The following SGF29 variants were observed in gnomAD, a reference collection of about 807,000 sequenced individuals.
The protein encoded by SGF29 is SAGA-associated factor 29.
A neutral mutation model predicts 38.1 loss-of-function variants in SGF29; 15 were observed. The observed-to-expected ratio is 0.39, with a 90% CI of 0.26 to 0.61. SGF29 has a LOEUF of 0.61. SGF29 is among the 20% of genes least tolerant of loss of function. The pLI is 0.49. For synonymous variants in SGF29, 151 were observed against 160.8 expected, an observed-to-expected ratio of 0.94 and a Z score of 0.46; for missense variants, 184 against 394.6, an observed-to-expected ratio of 0.47 and a Z score of 4.52.
At chr16:28,591,524 G>A (rs2046990961) in intron 9 of SGF29, 66 bp from the exon 10 acceptor site, 3 of 1,112,948 alleles carry the variant, frequency 2.7e-6, no homozygotes, top group Non-Finnish European at 4.1e-6. Context: ...TCTAGGCTGG[G>A]GGAAGGGGGT....
At chr16:28,577,773 G>C (rs1360997602) in intron 1 of SGF29, among the ~76,000 whole-genome samples, 37 of 152,174 alleles carry the variant, frequency 2.4e-4, no homozygotes, top group Admixed American at 2.4e-3. Flanking sequence ...CTTCTTTGGA[G>C]AACTGTCTAT....
intron 1 of SGF29, among the ~76,000 whole-genome samples, chr16:28,576,904 C>T (rs1225625087): frequency 6.6e-6 from 1 of 152,170 alleles, no homozygotes; most frequent in Non-Finnish European, 1.5e-5. Context: ...CCTGTAATCC[C>T]AGCACTTTGG....
intron 4 of SGF29, among the ~76,000 whole-genome samples, chr16:28,586,225 G>A (rs994170107): frequency 6.6e-6 from 1 of 152,164 alleles, no homozygotes; most frequent in African/African-American, 2.4e-5. Context: ...CTGAGATGGA[G>A]AAGTTTCACT....
At chr16:28,587,904 A>T (rs1182874385) in intron 4 of SGF29, among the ~76,000 whole-genome samples, 1 of 152,080 alleles carries the variant, frequency 6.6e-6, no homozygotes, top group Non-Finnish European at 1.5e-5. Context: ...GGTTCAAGCG[A>T]TTCTCTTGCC....
At chr16:28,571,647 C>G (rs929606081) in intron 1 of SGF29, among the ~76,000 whole-genome samples, 2 of 150,030 alleles carry the variant, frequency 1.3e-5, no homozygotes, top group Non-Finnish European at 3.0e-5. Context: ...GGCTGGGGAT[C>G]GATTTGGGAG....
chr16:28,585,287 C>A (rs533538702), intron 3 of SGF29: 1 of 509,918 alleles, frequency 2.0e-6, no homozygotes, highest in Admixed American at 3.4e-5. Flanking sequence ...TCCCAGGCGG[C>A]CCCTGCATCT....
At chr16:28,562,718 CA>C (rs1229550042) in intron 1 of SGF29, among the ~76,000 whole-genome samples, 3 of 151,756 alleles carry the variant, frequency 2.0e-5, no homozygotes, top group Non-Finnish European at 4.4e-5. Flanking sequence ...TCCTGGGCAA[CA>C]AGGCAAGACC....
At chr16:28,557,979 T>G (rs1212368953) in intron 1 of SGF29, among the ~76,000 whole-genome samples, 127 of 146,450 alleles carry the variant, frequency 8.7e-4, no homozygotes, top group Admixed American at 5.5e-3. Flanking sequence ...TTTTTTTTTT[T>G]TTTTTTTTTT....
At chr16:28,556,270 A>G (rs2046750501) in intron 1 of SGF29, among the ~76,000 whole-genome samples, 1 of 152,124 alleles carries the variant, frequency 6.6e-6, no homozygotes, top group Non-Finnish European at 1.5e-5. Flanking sequence ...CCCGGGTTCA[A>G]GTGATTCTCC....
intron 1 of SGF29, among the ~76,000 whole-genome samples, chr16:28,564,666 C>CATATGTGT (rs2046818284): frequency 1.6e-5 from 1 of 61,590 alleles, no homozygotes; most frequent in Non-Finnish European, 3.6e-5. Context: ...TATATATATG[C>CATATGTGT]ATATATATGT....
chr16:28,588,734 C>T, intron 4 of SGF29: 1 of 362,364 alleles, frequency 2.8e-6, no homozygotes, highest in Non-Finnish European at 5.4e-6. Flanking sequence ...CCACACCTGG[C>T]TAAGTTTTGT....
At chr16:28,569,089 AAAAT>A (rs1177952351) in intron 1 of SGF29, among the ~76,000 whole-genome samples, 1 of 152,118 alleles carries the variant, frequency 6.6e-6, no homozygotes, top group Non-Finnish European at 1.5e-5. Context: ...ACTCTGTCTC[AAAAT>A]AAATAAATAA....
intron 1 of SGF29, among the ~76,000 whole-genome samples, chr16:28,576,195 T>C (rs896464686): frequency 6.6e-6 from 1 of 152,072 alleles, no homozygotes; most frequent in Non-Finnish European, 1.5e-5. Context: ...CTCATAGATA[T>C]GTACCCAGAA....
At position 28,590,754 on chromosome 16, in the gene SGF29, T is replaced by G. The variant is rs767355452; in HGVS notation, c.603-19T>G. On this transcript the variant is annotated intron_variant, in intron 8 of 9. Coordinates refer to ENST00000317058, the MANE Select transcript of SGF29 (RefSeq NM_138414.3). This position sits in a 1 kb window ranked among gnomAD's most constrained non-coding sequence, Gnocchi z 8.2. ...ATCCCCACCCGGCCACAGGTTGATATAAGCCCCTCTTCCCCCAGGAGACAC... is the reference window on the plus strand; with the variant it reads ...ATCCCCACCCGGCCACAGGTTGATAGAAGCCCCTCTTCCCCCAGGAGACAC... 1 of 1,613,990 alleles carries G rather than the reference T, an allele frequency of 6.2e-7. No individual in the cohort carries two copies. Among genetic ancestry groups the G allele is most frequent in the East Asian group, 2.2e-5 (1 of 44,856 alleles).
chr16:28,564,695 AT>A (rs2046819992), intron 1 of SGF29, among the ~76,000 whole-genome samples: 1 of 52,000 alleles, frequency 1.9e-5, no homozygotes, highest in Non-Finnish European at 4.6e-5. Context: ...GTGTATATAT[AT>A]GTATATATAT....
At chr16:28,564,796 CACACACACACAA>C (rs2046826794) in intron 1 of SGF29, among the ~76,000 whole-genome samples, 1 of 132,314 alleles carries the variant, frequency 7.6e-6, no homozygotes, top group Non-Finnish European at 1.6e-5. Flanking sequence ...TACACACACA[CACACACACACAA>C]ACACACACAC....
intron 4 of SGF29, 42 bp downstream of exon 4, chr16:28,585,762 C>T (rs1596607480): frequency 1.9e-6 from 3 of 1,576,010 alleles, no homozygotes; most frequent in East Asian, 4.5e-5. Flanking sequence ...CCCTCCTTTC[C>T]TGGGGGCTGG....
intron 1 of SGF29, among the ~76,000 whole-genome samples, chr16:28,577,562 T>G (rs1483472548): frequency 1.3e-5 from 2 of 152,230 alleles, no homozygotes; most frequent in Admixed American, 6.5e-5. Context: ...AGTACTTCAT[T>G]TCTTTTTACT....
intron 1 of SGF29, among the ~76,000 whole-genome samples, chr16:28,571,422 C>T (rs189282569): frequency 6.6e-6 from 1 of 151,862 alleles, no homozygotes; most frequent in African/African-American, 2.4e-5. Flanking sequence ...AGCAAAACCC[C>T]GTCTCTACTA....
Sources: gnomAD v4.1 joint callset for allele counts (sites outside exome capture counted in the v4.1 genomes callset) on GRCh38, gnomAD v4.1.1 for gene constraint, Gnocchi (gnomAD v3.1) non-coding constraint, MANE v1.5 for transcripts, NCBI Gene and HGNC (gene_info 2026-07-23, HGNC 2026-07-21) for gene names.